The following PREX2 variants were observed in gnomAD, a reference collection of about 807,000 sequenced individuals.
PREX2 encodes phosphatidylinositol-3,4,5-trisphosphate dependent Rac exchange factor 2.
In PREX2, 107 loss-of-function variants were observed where a neutral mutation model predicts 203.2. The observed-to-expected ratio is 0.53, with a 90% CI of 0.45 to 0.62. The LOEUF is 0.62. PREX2 is among the 20% of genes least tolerant of loss of function. The probability of loss-of-function intolerance (pLI) is 0.00; values close to 1 mark genes in which losing one functional copy is unlikely to be tolerated. For synonymous variants in PREX2, 672 were observed against 663.6 expected (o/e 1.01, Z -0.19); for missense variants, 1,777 against 1,955.9 (o/e 0.91, Z 1.72).
chr8:68,187,934 T>C (rs572482382), intron 35 of PREX2, among the ~76,000 whole-genome samples: 2 of 152,268 alleles, frequency 1.3e-5, no homozygotes, highest in East Asian at 3.9e-4. Flanking sequence ...TGCAGAGCAA[T>C]AGGACATGAA....
chr8:67,995,595 A>G (rs2129609592), intron 1 of PREX2, among the ~76,000 whole-genome samples: 1 of 152,338 alleles, frequency 6.6e-6, no homozygotes, highest in East Asian at 1.9e-4. Context: ...GAGTTGTTTC[A>G]TCAGCTATGT....
chr8:68,227,549 T>C (rs983530719), intron 39 of PREX2, among the ~76,000 whole-genome samples: 6 of 152,198 alleles, frequency 3.9e-5, no homozygotes, highest in Non-Finnish European at 8.8e-5. Context: ...TATAGTCCTA[T>C]GAGTCTTCGA....
At chr8:67,998,636 T>G (rs1806840824) in intron 1 of PREX2, among the ~76,000 whole-genome samples, 1 of 152,118 alleles carries the variant, frequency 6.6e-6, no homozygotes, top group South Asian at 2.1e-4. Flanking sequence ...GGCACGGTGG[T>G]GCATACCTAT....
chr8:68,030,186 A>T (rs1437015061), intron 5 of PREX2, among the ~76,000 whole-genome samples: 1 of 152,200 alleles, frequency 6.6e-6, no homozygotes, highest in Non-Finnish European at 1.5e-5. Flanking sequence ...GTTAGAACAA[A>T]AGTCAAATTA....
intron 1 of PREX2, among the ~76,000 whole-genome samples, chr8:68,001,358 A>G (rs1047002632): frequency 9.2e-5 from 14 of 152,198 alleles, no homozygotes; most frequent in Non-Finnish European, 1.5e-4. Flanking sequence ...AACATCACCA[A>G]TCATTACAGA....
In PREX2 at chr8:68,004,465, C is replaced by T. The variant is rs1446274367; in HGVS notation, c.142-13381C>T. Among the ~76,000 whole-genome samples the T allele has an allele frequency of 2.6e-5, 4 of 152,284 alleles. No homozygotes were observed. In the East Asian group the frequency reaches 7.7e-4, roughly 29 times the overall value. On this transcript the variant is annotated intron_variant, in intron 1 of 39. Transcript: ENST00000288368. ...AAGTTCATTCTTTCTTGTGTGCTTT[C>T]ATTTACTATTTAGTCAATGGGCATC...
At position 68,182,152 on chromosome 8, in the gene PREX2, T is replaced by C. The variant is rs146769154; in HGVS notation, c.4347-9570T>C. Among the ~76,000 whole-genome samples, 238 of 152,256 alleles carry C rather than the reference T, an allele frequency of 1.6e-3. 1 individual carries two copies. Among genetic ancestry groups the C allele is most frequent in the South Asian group, 5.8e-3 (28 of 4,826 alleles). ...AAATAAAGGAAAGCTCAGCCTCTTA[T>C]TGATTCTAGTGCAAAAGTATATAAG... On this transcript the variant is annotated intron_variant, in intron 35 of 39. Transcript: ENST00000288368.
Position 68,108,266 on chromosome 8 carries a change from T to A in PREX2, c.2873T>A (p.Phe958Tyr), listed in dbSNP as rs1240011031. The A allele has an allele frequency of 6.2e-7, 1 of 1,613,992 alleles. No individual in the cohort carries two copies. The highest frequency in any genetic ancestry group is 8.5e-7 in the Non-Finnish European group (1 of 1,179,918). The change falls in exon 24 of 40, where the codon TTT becomes TAT. Residue 958 changes from phenylalanine to tyrosine, a missense_variant. Phe to Tyr is a conservative substitution (Grantham distance 22, BLOSUM62 3). Coordinates refer to ENST00000288368, the MANE Select transcript of PREX2 (RefSeq NM_024870.4). Reference protein sequence around the residue: ...PKTSTSLGSAFGVQLDSRKHN... With the variant: ...PKTSTSLGSAYGVQLDSRKHN... The stretch of plus-strand genomic sequence containing the variant: ...ACATCAACCTCTTTGGGAAGTGCAT[T>A]TGGTGTTCAGTTGGATAGCAGGAAG...
chr8:68,228,105 AC>A lies in PREX2; in HGVS notation c.4776-3226del, dbSNP rs571411839. Among the ~76,000 whole-genome samples, 174 of 152,210 alleles carry A rather than the reference AC, an allele frequency of 1.1e-3. 2 individuals are homozygous for A. The highest frequency in any genetic ancestry group is 2.3e-3 in the South Asian group (11 of 4,818). Reference sequence around the variant, plus strand: ...GGTATGTGAGGAGGGAGTACAAAGGACCTTCCCCCTCCCAGTTTCATACATT... The same window carrying A: ...GGTATGTGAGGAGGGAGTACAAAGGACTTCCCCCTCCCAGTTTCATACATT... On this transcript the variant is annotated intron_variant, in intron 39 of 39. Transcript: ENST00000288368.
chr8:68,004,376 C>T (rs1291545535), intron 1 of PREX2, among the ~76,000 whole-genome samples: 1 of 152,088 alleles, frequency 6.6e-6, no homozygotes, highest in East Asian at 1.9e-4. Flanking sequence ...TGAATGGTGA[C>T]CTTCATTATT....
chr8:67,962,712 T>G (rs1387620621), intron 1 of PREX2, among the ~76,000 whole-genome samples: 2 of 151,908 alleles, frequency 1.3e-5, no homozygotes, highest in Non-Finnish European at 2.9e-5. Flanking sequence ...GTTCAAGTGA[T>G]TCTCATGCCT....
chr8:68,129,945 G>C (rs1810969750), intron 31 of PREX2, among the ~76,000 whole-genome samples: 1 of 151,116 alleles, frequency 6.6e-6, no homozygotes, highest in Non-Finnish European at 1.5e-5. Flanking sequence ...GCTGAAAGCA[G>C]ATGTGATTTT....
intron 7 of PREX2, among the ~76,000 whole-genome samples, chr8:68,042,043 C>T (rs1808216221): frequency 6.6e-6 from 1 of 152,064 alleles, no homozygotes; most frequent in Admixed American, 6.6e-5. Flanking sequence ...CCATTCCCTT[C>T]CAGGACTGGA....
rs1805630048 is a variant in PREX2, at chr8:67,961,437, A to G, written c.141+8902A>G. On this transcript the variant is annotated intron_variant, in intron 1 of 39. Coordinates refer to ENST00000288368, the MANE Select transcript of PREX2 (RefSeq NM_024870.4). ...ATTTAATTATAATTGTAAATTGAAG[A>G]ATTTACAATTTATTAAAATTATATT... Among the ~76,000 whole-genome samples the G allele has an allele frequency of 4.6e-5, 7 of 152,210 alleles. No homozygotes were observed. In the South Asian group the frequency reaches 1.0e-3, roughly 23 times the overall value.
At chr8:68,109,011 G>A (rs1190152382) in intron 24 of PREX2, 1 of 452,242 alleles carries the variant, frequency 2.2e-6, no homozygotes, top group South Asian at 1.6e-5. Flanking sequence ...TCTCATAGAA[G>A]TAGAGAGTAG....
intron 11 of PREX2, among the ~76,000 whole-genome samples, chr8:68,067,976 A>T (rs1809070976): frequency 6.6e-6 from 1 of 151,874 alleles, no homozygotes; most frequent in Non-Finnish European, 1.5e-5. Context: ...TCATCGTATG[A>T]TTTTTGTCTT....
intron 10 of PREX2, among the ~76,000 whole-genome samples, chr8:68,058,609 A>G (rs1271679536): frequency 2.0e-5 from 3 of 151,924 alleles, no homozygotes; most frequent in Admixed American, 6.6e-5. Context: ...GATTTTTTAA[A>G]TTTTTAGTAG....
chr8:68,027,319 T>G lies in PREX2; in HGVS notation c.539T>G (p.Leu180Trp). The G allele has an allele frequency of 6.3e-7, 1 of 1,575,710 alleles. No homozygotes were observed. ...AGAATATGCAAGTACCCTCTTATTTTGAAGGTATTTTATGTGCTACCTCAT... is the reference window on the plus strand; with the variant it reads ...AGAATATGCAAGTACCCTCTTATTTGGAAGGTATTTTATGTGCTACCTCAT... ...IQRICKYPLI[L>W]KELLKRTPRK... The change falls in exon 5 of 40, where the codon TTG becomes TGG. Residue 180 changes from leucine (L) to tryptophan (W), a missense_variant. Leu to Trp is a moderately conservative substitution (Grantham distance 61). Transcript: ENST00000288368.
At chr8:67,987,437 G>A (rs1806467579) in intron 1 of PREX2, among the ~76,000 whole-genome samples, 1 of 152,046 alleles carries the variant, frequency 6.6e-6, no homozygotes, top group South Asian at 2.1e-4. Flanking sequence ...ACAGGTCCAG[G>A]GGTTGTCTTT....
Sources: allele counts gnomAD v4.1 joint callset (sites outside exome capture counted in the v4.1 genomes callset), GRCh38; gene constraint gnomAD v4.1.1; transcripts MANE v1.5; gene names NCBI Gene and HGNC (gene_info 2026-07-23, HGNC 2026-07-21).